The following ZDHHC9 variants were observed in gnomAD, a reference collection of about 807,000 sequenced individuals.
ZDHHC9 encodes palmitoyltransferase ZDHHC9.
Under a neutral mutation model 26.6 loss-of-function variants are expected in ZDHHC9, and 3 were observed. That is an observed-to-expected ratio of 0.11 (90% CI 0.05 to 0.29). The LOEUF is 0.29. ZDHHC9 is among the 10% of genes least tolerant of loss of function. The pLI is 1.00. For synonymous variants in ZDHHC9, 111 were observed against 109.4 expected, an observed-to-expected ratio of 1.01 and a Z score of -0.09; for missense variants, 146 against 296.4, an observed-to-expected ratio of 0.49 and a Z score of 3.73.
chrX:129,827,959 G>A (rs1369241748), intron 4 of ZDHHC9, among the ~76,000 whole-genome samples: 1 of 111,625 alleles, frequency 9.0e-6, no homozygotes, highest in African/African-American at 3.3e-5. Context: ...TGGGATTACA[G>A]GCACATGCCA....
chrX:129,840,804 C>T (rs1033124082), intron 3 of ZDHHC9, among the ~76,000 whole-genome samples: 1 of 110,457 alleles, frequency 9.1e-6, no homozygotes, highest in Admixed American at 9.7e-5. Context: ...AAATGAGCCC[C>T]AAGGGACCAG....
chrX:129,820,785 T>C, intron 5 of ZDHHC9, among the ~76,000 whole-genome samples: 1 of 111,954 alleles, frequency 8.9e-6, no homozygotes, highest in Non-Finnish European at 1.9e-5. Context: ...TTTATTTTAC[T>C]TAAGTTCTGG....
chrX:129,823,136 C>T (rs1927929325), intron 5 of ZDHHC9: 1 of 118,432 alleles, frequency 8.4e-6, no homozygotes, highest in Non-Finnish European at 1.8e-5. Flanking sequence ...TGTGAACTTA[C>T]ATACTGGTGC....
At chrX:129,823,640 A>G (rs1426096725) in intron 5 of ZDHHC9, 39 bp downstream of exon 5, 7 of 1,209,086 alleles carry the variant, frequency 5.8e-6, no homozygotes, top group Non-Finnish European at 7.8e-6. Flanking sequence ...AGTTCAACTC[A>G]GCCTTTTCCC....
rs1340977939 is a variant in ZDHHC9 at position 129,803,336 on chromosome X, T to A, written c.*3034A>T. 1.8e-5 allele frequency: 2 copies of A among 112,076 alleles called. No individual in the cohort carries two copies. Among genetic ancestry groups the A allele is most frequent in the Non-Finnish European group, 3.8e-5 (2 of 53,203 alleles). 9.2% of individuals were successfully genotyped at this position (112,076 alleles called of 1,213,427 possible). On this transcript the variant is annotated 3_prime_UTR_variant, in exon 11 of 11. Transcript: ENST00000357166. The stretch of plus-strand genomic sequence containing the variant: ...ATTTCTAAAACCATTCAAGGCTCCT[T>A]CATTAATTGGCTTCCCCCCAAAAGA...
chrX:129,806,482 G>A lies in ZDHHC9; in HGVS notation c.983C>T (p.Pro328Leu). Residue 328 changes from proline (P) to leucine (L), a missense_variant, in exon 11 of 11, where the codon CCC becomes CTC. By Grantham distance (98) the Pro-to-Leu change is moderately conservative (BLOSUM62 -3). Coordinates refer to ENST00000357166, the MANE Select transcript of ZDHHC9 (RefSeq NM_016032.4). ...CTCATTTGAGTTCAGGTGTTCTGTG[G>A]GGGCCTGAGAAGGAAAAGATATGAG... ...SSSLLPQSPA[P>L]TEHLNSNEMP... is the part of the protein sequence containing the mutation. 1 of 1,207,250 alleles carries A rather than the reference G, an allele frequency of 8.3e-7. No individual in the cohort carries two copies. The highest frequency in any genetic ancestry group is 3.0e-5 in the East Asian group (1 of 33,818).
At chrX:129,829,172 G>A (rs1288330476) in intron 3 of ZDHHC9, 31 bp from the exon 4 acceptor site, 7 of 1,201,906 alleles carry the variant, frequency 5.8e-6, no homozygotes, top group Non-Finnish European at 7.9e-6. Flanking sequence ...AGCATTTAAT[G>A]ATACCTACCC....
At chrX:129,829,366 G>A (rs1028380476) in intron 3 of ZDHHC9, among the ~76,000 whole-genome samples, 1 of 111,100 alleles carries the variant, frequency 9.0e-6, no homozygotes, top group Non-Finnish European at 1.9e-5. Context: ...CAGAAGACAC[G>A]CTTGAGGACA....
intron 4 of ZDHHC9, among the ~76,000 whole-genome samples, chrX:129,824,738 T>C (rs1927973221): frequency 8.9e-6 from 1 of 112,327 alleles, no homozygotes; most frequent in Non-Finnish European, 1.9e-5. Context: ...TAAAAATAAC[T>C]TCAATGTCAC....
rs1927476651 is a variant in ZDHHC9, at chrX:129,804,904, T to G, written c.*1466A>C. Reference sequence around the variant, plus strand: ...CCCACCCTACACACAAACATATTCTTGAAATGGAAGGGGGAAGGAGGAGGC... The same window carrying G: ...CCCACCCTACACACAAACATATTCTGGAAATGGAAGGGGGAAGGAGGAGGC... On this transcript the variant is annotated 3_prime_UTR_variant, in exon 11 of 11. Coordinates refer to ENST00000357166, the MANE Select transcript of ZDHHC9 (RefSeq NM_016032.4). 1.1e-5 allele frequency: 1 copy of G among 94,192 alleles called. No homozygotes were observed. The highest frequency in any genetic ancestry group is 2.1e-5 in the Non-Finnish European group (1 of 47,482). 7.8% of individuals were successfully genotyped at this position (94,192 alleles called of 1,213,427 possible).
chrX:129,839,928 G>T (rs1305750594), intron 3 of ZDHHC9, among the ~76,000 whole-genome samples: 2 of 111,490 alleles, frequency 1.8e-5, no homozygotes, highest in Non-Finnish European at 3.8e-5. Context: ...TGGTACTCAA[G>T]TAAGTTTTAC....
intron 4 of ZDHHC9, among the ~76,000 whole-genome samples, chrX:129,825,009 AAAAC>A (rs1927980825): frequency 8.9e-6 from 1 of 112,538 alleles, no homozygotes; most frequent in Non-Finnish European, 1.9e-5. Context: ...ATTTTGGAAA[AAAAC>A]AGAATAGGGC....
chrX:129,814,587 C>G, intron 6 of ZDHHC9, 71 bp downstream of exon 6: 1 of 1,194,717 alleles, frequency 8.4e-7, no homozygotes, highest in Non-Finnish European at 1.1e-6. Flanking sequence ...ACCCAACAAC[C>G]CTCTAAGCTG....
chrX:129,828,624 A>G (rs1459497171), intron 4 of ZDHHC9, among the ~76,000 whole-genome samples: 1 of 110,090 alleles, frequency 9.1e-6, no homozygotes, highest in Non-Finnish European at 1.9e-5. Context: ...CTGTCTCTAA[A>G]TAAATAAATA....
chrX:129,830,747 A>G (rs1388575352), intron 3 of ZDHHC9, among the ~76,000 whole-genome samples: 2 of 111,372 alleles, frequency 1.8e-5, no homozygotes, highest in Non-Finnish European at 3.8e-5. Flanking sequence ...TTCAAAGCAA[A>G]CGTTTAACTC....
In ZDHHC9 at chrX:129,839,979, C is replaced by T. The variant is rs753564525; in HGVS notation, c.167+1800G>A. Among the ~76,000 whole-genome samples, 10 of 111,396 alleles carry T rather than the reference C, an allele frequency of 9.0e-5. No homozygotes were observed. In the South Asian group the frequency reaches 2.6e-3, roughly 29 times the overall value. ...TCAAAATGCAAGAAATAACCTGGGG[C>T]GGGGGGAAGTCATCATGGTAGAAAA... On this transcript the variant is annotated intron_variant, in intron 3 of 10. Coordinates refer to ENST00000357166, the MANE Select transcript of ZDHHC9 (RefSeq NM_016032.4).
At chrX:129,825,422 A>G (rs2124119714) in intron 4 of ZDHHC9, among the ~76,000 whole-genome samples, 1 of 112,045 alleles carries the variant, frequency 8.9e-6, no homozygotes, top group African/African-American at 3.2e-5. Flanking sequence ...TTTTTAAAAA[A>G]TTGAGATCAT....
chrX:129,812,923 T>C, intron 7 of ZDHHC9, 103 bp from the exon 8 acceptor site: 1 of 570,067 alleles, frequency 1.8e-6, no homozygotes, highest in South Asian at 2.4e-5. Context: ...TCCTGGAACG[T>C]ATATCACAAA....
intron 10 of ZDHHC9, among the ~76,000 whole-genome samples, chrX:129,808,813 A>G (rs1164716220): frequency 2.7e-5 from 3 of 112,356 alleles, no homozygotes; most frequent in Non-Finnish European, 5.6e-5. Context: ...TGCAAATTGT[A>G]TATCTGGTAA....
Sources: allele counts gnomAD v4.1 joint callset (sites outside exome capture counted in the v4.1 genomes callset), GRCh38; gene constraint gnomAD v4.1.1; transcripts MANE v1.5; gene names NCBI Gene and HGNC (gene_info 2026-07-23, HGNC 2026-07-21).